TENM1: variants seen among roughly 807,000 people sequenced by gnomAD.
TENM1 encodes the protein teneurin-1.
Under a neutral mutation model 174.8 loss-of-function variants are expected in TENM1, and 35 were observed. The ratio of observed to expected loss-of-function variants is 0.20; its 90% CI spans 0.15 to 0.27. TENM1 has a LOEUF of 0.27. TENM1 is among the 10% of genes least tolerant of loss of function. The pLI is 1.00. For synonymous variants in TENM1, 781 were observed against 798.7 expected, an observed-to-expected ratio of 0.98 and a Z score of 0.37; for missense variants, 1,633 against 2,130.1, an observed-to-expected ratio of 0.77 and a Z score of 4.59.
chrX:124,902,769 A>T (rs1017331339), intron 1 of TENM1, among the ~76,000 whole-genome samples: 2 of 112,666 alleles, frequency 1.8e-5, no homozygotes, highest in Non-Finnish European at 3.7e-5. Flanking sequence ...AAATCAAAAC[A>T]AAATAGTCTC....
chrX:125,006,312 T>C, the TENM1 span, among the ~76,000 whole-genome samples: 1 of 111,865 alleles, frequency 8.9e-6, no homozygotes, highest in Non-Finnish European at 1.9e-5. Context: ...ACTGCTTCTC[T>C]AGATTCCCCC....
intron 27 of TENM1, among the ~76,000 whole-genome samples, chrX:124,396,427 G>C (rs980953269): frequency 1.9e-5 from 2 of 107,622 alleles, no homozygotes; most frequent in Non-Finnish European, 3.8e-5. Context: ...TCAGCCTCCC[G>C]AGTAGCTGGG....
At chrX:124,585,619 TA>T (rs2148231659) in intron 11 of TENM1, among the ~76,000 whole-genome samples, 1 of 110,130 alleles carries the variant, frequency 9.1e-6, no homozygotes, top group South Asian at 3.9e-4. Flanking sequence ...ACATCACAAT[TA>T]AAAGAACTAG....
intron 4 of TENM1, among the ~76,000 whole-genome samples, chrX:124,715,403 A>T (rs977807759): frequency 9.1e-6 from 1 of 109,835 alleles, no homozygotes; most frequent in Non-Finnish European, 1.9e-5. Context: ...AAAAAAAAAA[A>T]CTCTTCATTT....
chrX:124,753,449 C>T (rs2054136821), intron 3 of TENM1, among the ~76,000 whole-genome samples: 1 of 102,763 alleles, frequency 9.7e-6, no homozygotes, highest in Non-Finnish European at 2.0e-5. Context: ...GACAATTTGA[C>T]TTCCTCTTTT....
At chrX:124,607,916 T>C (rs1333930154) in intron 11 of TENM1, among the ~76,000 whole-genome samples, 1 of 111,158 alleles carries the variant, frequency 9.0e-6, no homozygotes, top group Non-Finnish European at 1.9e-5. Context: ...GCCAATTAGA[T>C]TTGCTGATGG....
chrX:125,068,228 C>G, the TENM1 span, among the ~76,000 whole-genome samples: 1 of 111,021 alleles, frequency 9.0e-6, no homozygotes, highest in South Asian at 3.8e-4. Flanking sequence ...CCATAGCGCT[C>G]CCTAATTAGG....
chrX:124,512,281 A>ATT (rs770001950), intron 18 of TENM1, among the ~76,000 whole-genome samples: 87 of 106,827 alleles, frequency 8.1e-4, no homozygotes, highest in African/African-American at 2.4e-3. Flanking sequence ...AACAGTAATG[A>ATT]TTTTTTTTTT....
At chrX:125,085,184 CA>C in the TENM1 span, among the ~76,000 whole-genome samples, 33 of 98,874 alleles carry the variant, frequency 3.3e-4, no homozygotes, top group African/African-American at 7.3e-4. Context: ...ACATACAGGG[CA>C]AAAAAAAAAA....
chrX:124,679,439 A>C (rs1391527693), intron 5 of TENM1, among the ~76,000 whole-genome samples: 2 of 111,248 alleles, frequency 1.8e-5, no homozygotes, highest in African/African-American at 6.5e-5. Flanking sequence ...CTTTCAACTA[A>C]CTCCCGTGGG....
chrX:125,050,903 A>C, the TENM1 span, among the ~76,000 whole-genome samples: 4 of 112,294 alleles, frequency 3.6e-5, no homozygotes, highest in Non-Finnish European at 5.6e-5. Context: ...AGAGGAAGTC[A>C]AATTGTCCCT....
At chrX:125,023,869 C>T in the TENM1 span, among the ~76,000 whole-genome samples, 2 of 111,274 alleles carry the variant, frequency 1.8e-5, no homozygotes, top group Non-Finnish European at 3.8e-5. Flanking sequence ...CTACAAGGAA[C>T]ACAAACAACT....
intron 4 of TENM1, among the ~76,000 whole-genome samples, chrX:124,734,075 G>A (rs2053617793): frequency 9.0e-6 from 1 of 111,638 alleles, no homozygotes; most frequent in Non-Finnish European, 1.9e-5. Context: ...AAAACTCCTT[G>A]AAGAAGATAT....
chrX:124,986,366 A>T, the TENM1 span, among the ~76,000 whole-genome samples: 1 of 110,773 alleles, frequency 9.0e-6, no homozygotes. Flanking sequence ...AAGCTGAAAG[A>T]CCCTTTAACT....
intron 3 of TENM1, among the ~76,000 whole-genome samples, chrX:124,757,630 A>C (rs186718328): frequency 4.0e-4 from 45 of 112,430 alleles, no homozygotes; most frequent in Non-Finnish European, 2.8e-4. Context: ...CTATTCGGCC[A>C]TCTTTGTCAC....
Position 124,787,628 on chromosome X carries a change from G to A in TENM1, c.536-50431C>T, listed in dbSNP as rs1254299056. ...CAGCATTGAAATTTGCCTGTTTGGG[G>A]AGAAAGGTATTCTGACAATGGTGTA... is the stretch of plus-strand genomic sequence containing the variant. On this transcript the variant is annotated intron_variant, in intron 3 of 31. Coordinates refer to ENST00000422452, the Ensembl canonical transcript of TENM1. Among the ~76,000 whole-genome samples the A allele has an allele frequency of 3.6e-5, 4 of 111,672 alleles. No homozygotes were observed. In the East Asian group the frequency reaches 1.1e-3, roughly 31 times the overall value.
intron 22 of TENM1, among the ~76,000 whole-genome samples, chrX:124,479,595 A>G (rs1438554254): frequency 1.8e-5 from 2 of 110,368 alleles, no homozygotes; most frequent in African/African-American, 6.6e-5. Context: ...CTTTCCAAGA[A>G]AAAAAAAAGC....
At chrX:124,817,821 A>G (rs1226764320) in intron 3 of TENM1, among the ~76,000 whole-genome samples, 2 of 111,959 alleles carry the variant, frequency 1.8e-5, no homozygotes, top group African/African-American at 6.5e-5. Flanking sequence ...CCATACCCCC[A>G]GGAAAGAAGA....
intron 24 of TENM1, among the ~76,000 whole-genome samples, chrX:124,422,015 T>A (rs1469869655): frequency 8.9e-6 from 1 of 112,178 alleles, no homozygotes; most frequent in Non-Finnish European, 1.9e-5. Context: ...GTGATATAAC[T>A]GAGACAATGC....
Sources: gnomAD v4.1 joint callset for allele counts (sites outside exome capture counted in the v4.1 genomes callset) on GRCh38, gnomAD v4.1.1 for gene constraint, MANE v1.5 for transcripts, NCBI Gene and HGNC (gene_info 2026-07-23, HGNC 2026-07-21) for gene names.